SLC4A7: variants seen among roughly 807,000 people sequenced by gnomAD.
SLC4A7 encodes the protein solute carrier family 4 member 7.
A neutral mutation model predicts 137.6 loss-of-function variants in SLC4A7; 51 were observed. The observed-to-expected ratio is 0.37, with a 90% CI of 0.30 to 0.47. The LOEUF is 0.47. Among genes scored for constraint, SLC4A7 ranks in the 20% least tolerant of loss-of-function variants. The pLI is 1.00. For synonymous variants in SLC4A7, 542 were observed against 518.6 expected (o/e 1.05, Z -0.61); for missense variants, 1,247 against 1,525.4 (o/e 0.82, Z 3.04).
chr3:27,399,913 G>A (rs971414883), intron 16 of SLC4A7, among the ~76,000 whole-genome samples: 8 of 152,080 alleles, frequency 5.3e-5, no homozygotes, highest in Admixed American at 1.3e-4. Context: ...ATAGACACAC[G>A]TGGCTAATGG....
intron 12 of SLC4A7, among the ~76,000 whole-genome samples, chr3:27,411,318 GAAGA>G (rs1402242405): frequency 2.0e-5 from 3 of 152,018 alleles, no homozygotes; most frequent in Admixed American, 6.5e-5. Flanking sequence ...AACTCAATAT[GAAGA>G]ATTATAATAA....
At chr3:27,457,149 C>G (rs1233103080) in intron 1 of SLC4A7, among the ~76,000 whole-genome samples, 3 of 151,858 alleles carry the variant, frequency 2.0e-5, no homozygotes, top group African/African-American at 7.3e-5. Flanking sequence ...TCTCTACATT[C>G]TTAAAAATTC....
chr3:27,449,141 C>A (rs1055386907), intron 2 of SLC4A7, among the ~76,000 whole-genome samples: 8 of 151,576 alleles, frequency 5.3e-5, no homozygotes, highest in Non-Finnish European at 8.8e-5. Flanking sequence ...ACCTCCTGAT[C>A]CGCCCACCTC....
intron 5 of SLC4A7, among the ~76,000 whole-genome samples, chr3:27,435,759 T>C (rs949610517): frequency 6.6e-6 from 1 of 152,120 alleles, no homozygotes; most frequent in African/African-American, 2.4e-5. Flanking sequence ...GGAGATCACT[T>C]GAGCCCAGGA....
At chr3:27,464,738 G>A (rs932346397) in intron 1 of SLC4A7, among the ~76,000 whole-genome samples, 1 of 152,014 alleles carries the variant, frequency 6.6e-6, no homozygotes, top group Admixed American at 6.6e-5. Context: ...GCTAATGCCT[G>A]TAATCCTAGT....
chr3:27,420,138 C>A (rs941223484), intron 10 of SLC4A7, among the ~76,000 whole-genome samples: 1 of 151,030 alleles, frequency 6.6e-6, no homozygotes, highest in Non-Finnish European at 1.5e-5. Context: ...GCACTCCAGC[C>A]TGGCAACAGA....
chr3:27,394,756 T>C lies in SLC4A7; in HGVS notation c.2879A>G (p.Tyr960Cys), dbSNP rs1316384602. The part of the protein sequence containing the change: ...KEHKLKKGAG[Y>C]HLDLLMVGVM... ...GCCAACCATGAGCAAATCAAGGTGA[T>C]AGCCAGCTCCTTTCTGAAAAGTGAA... is the stretch of plus-strand genomic sequence containing the variant. Residue 960 changes from tyrosine to cysteine, a missense_variant, in exon 20 of 26, where the codon TAT (tyrosine) becomes TGT (cysteine). Transcript: ENST00000454389. 9 of 1,613,528 alleles carry C rather than the reference T, an allele frequency of 5.6e-6. No homozygotes were observed. Among genetic ancestry groups the C allele is most frequent in the Admixed American group, 3.3e-5 (2 of 59,940 alleles).
Position 27,386,035 on chromosome 3 carries a change from G to T in SLC4A7, c.3361-12C>A. The T allele has an allele frequency of 6.3e-7, 1 of 1,585,020 alleles. No homozygotes were observed. The highest frequency in any genetic ancestry group is 8.6e-7 in the Non-Finnish European group (1 of 1,168,864). Reference sequence around the variant, plus strand: ...ACTAATGCAAGAACCTTTAAAAAGTGGGGAAGGAAATATTAAGTAACACAT... The same window carrying T: ...ACTAATGCAAGAACCTTTAAAAAGTTGGGAAGGAAATATTAAGTAACACAT... On this transcript the variant is annotated splice_polypyrimidine_tract_variant and intron_variant, in intron 22 of 25. Transcript: ENST00000454389.
At chr3:27,446,886 TTTTTTTTG>T (rs2057693735) in intron 3 of SLC4A7, among the ~76,000 whole-genome samples, 1 of 34,122 alleles carries the variant, frequency 2.9e-5, no homozygotes, top group Non-Finnish European at 6.4e-5. Context: ...TTTTTTTTTG[TTTTTTTTG>T]TTTTTTTTAA....
chr3:27,450,527 G>A (rs555745525), intron 2 of SLC4A7, among the ~76,000 whole-genome samples: 8 of 152,040 alleles, frequency 5.3e-5, no homozygotes, highest in Non-Finnish European at 7.4e-5. Context: ...AAGAAAAGTG[G>A]AAATTAAAGA....
At chr3:27,413,385 T>TA (rs2054092608) in intron 11 of SLC4A7, among the ~76,000 whole-genome samples, 1 of 152,150 alleles carries the variant, frequency 6.6e-6, no homozygotes, top group Non-Finnish European at 1.5e-5. Flanking sequence ...TAAAACTGTT[T>TA]AACAAAAATG....
At chr3:27,429,744 G>A (rs2056072229) in intron 7 of SLC4A7, among the ~76,000 whole-genome samples, 2 of 152,106 alleles carry the variant, frequency 1.3e-5, no homozygotes, top group South Asian at 2.1e-4. Context: ...CAGCTACTCA[G>A]GAGGCTGAGG....
intron 11 of SLC4A7, among the ~76,000 whole-genome samples, chr3:27,414,833 A>C (rs2054232370): frequency 6.6e-6 from 1 of 152,136 alleles, no homozygotes; most frequent in Non-Finnish European, 1.5e-5. Context: ...GAAACCCTTC[A>C]ACCTCCACCT....
chr3:27,386,917 G>A (rs186707250), intron 22 of SLC4A7, among the ~76,000 whole-genome samples: 216 of 152,176 alleles, frequency 1.4e-3, no homozygotes, highest in Non-Finnish European at 1.9e-3. Context: ...TTAGCTTCCA[G>A]TATACATTTA....
chr3:27,449,487 T>A (rs1247790125), intron 2 of SLC4A7, among the ~76,000 whole-genome samples: 1 of 151,416 alleles, frequency 6.6e-6, no homozygotes, highest in South Asian at 2.1e-4. Context: ...AAAGTCCAAA[T>A]TACTGAGAGC....
chr3:27,442,840 C>A (rs956044069), intron 3 of SLC4A7, among the ~76,000 whole-genome samples: 1 of 151,970 alleles, frequency 6.6e-6, no homozygotes, highest in Non-Finnish European at 1.5e-5. Context: ...ATCTCACCAA[C>A]TGAATTCCTG....
intron 16 of SLC4A7, among the ~76,000 whole-genome samples, chr3:27,399,005 A>AG (rs1314731399): frequency 6.8e-6 from 1 of 146,424 alleles, no homozygotes; most frequent in Non-Finnish European, 1.5e-5. Context: ...ATTTTCCTTT[A>AG]GGGAAAAAAA....
chr3:27,433,877 G>T, intron 6 of SLC4A7, 39 bp downstream of exon 6: 4 of 1,562,740 alleles, frequency 2.6e-6, no homozygotes, highest in Non-Finnish European at 3.5e-6. Context: ...TGTTACAGTA[G>T]AAGTGTTAGC....
At chr3:27,388,509 G>A (rs949456879) in intron 22 of SLC4A7, among the ~76,000 whole-genome samples, 1 of 152,004 alleles carries the variant, frequency 6.6e-6, no homozygotes, top group Non-Finnish European at 1.5e-5. Context: ...CACTTTTCCA[G>A]TTTCTTCTAT....
Sources: gnomAD v4.1 joint callset for allele counts (sites outside exome capture counted in the v4.1 genomes callset) on GRCh38, gnomAD v4.1.1 for gene constraint, MANE v1.5 for transcripts, NCBI Gene and HGNC (gene_info 2026-07-23, HGNC 2026-07-21) for gene names.